Variants in SORCS2 observed in about 807,000 individuals in gnomAD.
SORCS2 encodes VPS10 domain-containing receptor SorCS2.
In SORCS2, 100 loss-of-function variants were observed where a neutral mutation model predicts 141.6. The ratio of observed to expected loss-of-function variants is 0.71; its 90% confidence interval spans 0.60 to 0.83. The LOEUF is 0.83. SORCS2 is among the 40% of genes least tolerant of loss of function. The pLI, the probability that SORCS2 is intolerant of heterozygous loss-of-function variation, is 0.00. For missense variants in SORCS2, 1,646 were observed against 1,560.2 expected (o/e 1.05, Z -0.93); for synonymous variants, 789 against 676.9 (o/e 1.17, Z -2.57).
Position 7,327,375 on chromosome 4 carries a change from C to T in SORCS2, c.481-68913C>T, listed in dbSNP as rs375488105. On this transcript the variant is annotated intron_variant, in intron 1 of 26. Transcript: ENST00000507866. ...CTGGCTCTGTCTTCACGTGGCCCCT[C>T]CCTGTGTGTCTCTGTGTCCAGACCT... 3.5e-3 allele frequency among the ~76,000 whole-genome samples: 536 copies of T among 152,328 alleles called. 1 individual carries two copies. The highest frequency in any genetic ancestry group is 4.7e-3 in the Non-Finnish European group (322 of 68,032).
intron 1 of SORCS2, among the ~76,000 whole-genome samples, chr4:7,302,971 A>G (rs73208439): frequency 0.25 from 38,070 of 152,154 alleles, 5,303 homozygotes; most frequent in Non-Finnish European, 0.32. Context: ...GGCCGCAGCC[A>G]AGCGGCGATT....
intron 2 of SORCS2, among the ~76,000 whole-genome samples, chr4:7,487,094 A>G (rs1731035011): frequency 6.6e-6 from 1 of 152,162 alleles, no homozygotes; most frequent in South Asian, 2.1e-4. Flanking sequence ...CCAGCCCTGC[A>G]GAGCACAAAG....
At chr4:7,604,581 G>C (rs978483778) in intron 3 of SORCS2, among the ~76,000 whole-genome samples, 14 of 152,338 alleles carry the variant, frequency 9.2e-5, no homozygotes, top group Non-Finnish European at 1.6e-4. Context: ...TTACAGGCAT[G>C]AGCCGCCGCG....
intron 4 of SORCS2, among the ~76,000 whole-genome samples, chr4:7,640,404 G>C (rs544325420): frequency 6.8e-6 from 1 of 146,578 alleles, no homozygotes; most frequent in Non-Finnish European, 1.5e-5. Flanking sequence ...GTGAGTGTGT[G>C]TGGGTGAGTG....
At chr4:7,269,219 T>A (rs1339438076) in intron 1 of SORCS2, among the ~76,000 whole-genome samples, 1 of 152,130 alleles carries the variant, frequency 6.6e-6, no homozygotes, top group African/African-American at 2.4e-5. Context: ...AGGGTGCTGG[T>A]GGTGTCCCAG....
At chr4:7,424,949 G>A (rs1726324789) in intron 2 of SORCS2, among the ~76,000 whole-genome samples, 1 of 152,256 alleles carries the variant, frequency 6.6e-6, no homozygotes, top group Admixed American at 6.5e-5. Flanking sequence ...TGGGTGCTGT[G>A]CCCCGGAGGG....
intron 2 of SORCS2, among the ~76,000 whole-genome samples, chr4:7,494,707 CAG>C (rs761109325): frequency 4.6e-5 from 7 of 152,256 alleles, no homozygotes; most frequent in Non-Finnish European, 7.3e-5. Context: ...GTCCATGAAA[CAG>C]GGAACAGCTT....
intron 1 of SORCS2, among the ~76,000 whole-genome samples, chr4:7,390,516 A>G (rs1723788769): frequency 6.6e-6 from 1 of 152,220 alleles, no homozygotes; most frequent in Non-Finnish European, 1.5e-5. Flanking sequence ...GCCAGGGTTC[A>G]GGCTGGCTCA....
At chr4:7,463,244 C>T (rs1729419158) in intron 2 of SORCS2, among the ~76,000 whole-genome samples, 2 of 152,122 alleles carry the variant, frequency 1.3e-5, no homozygotes, top group South Asian at 4.1e-4. Flanking sequence ...TGGATTTGGT[C>T]CATGTTATAG....
At chr4:7,224,737 G>T (rs1728900816) in intron 1 of SORCS2, among the ~76,000 whole-genome samples, 1 of 152,206 alleles carries the variant, frequency 6.6e-6, no homozygotes, top group Non-Finnish European at 1.5e-5. Context: ...CAAGGAGGAG[G>T]AGGTGTGGCA....
chr4:7,537,927 C>T (rs746477014), intron 3 of SORCS2, among the ~76,000 whole-genome samples: 7 of 152,038 alleles, frequency 4.6e-5, no homozygotes, highest in Admixed American at 1.3e-4. Flanking sequence ...TTGAGCCTGC[C>T]GTGATCTATG....
At chr4:7,224,889 G>A (rs35819894) in intron 1 of SORCS2, among the ~76,000 whole-genome samples, 23,227 of 152,180 alleles carry the variant, frequency 0.15, 2,678 homozygotes, top group East Asian at 0.49. Flanking sequence ...CATTAATTAT[G>A]AGTTGTTTTT....
At chr4:7,489,233 C>T (rs1463972629) in intron 2 of SORCS2, among the ~76,000 whole-genome samples, 1 of 152,190 alleles carries the variant, frequency 6.6e-6, no homozygotes, top group Non-Finnish European at 1.5e-5. Flanking sequence ...GAAGCTGGAA[C>T]TGGTTGCCTA....
At chr4:7,480,652 G>A (rs541939303) in intron 2 of SORCS2, among the ~76,000 whole-genome samples, 14 of 152,354 alleles carry the variant, frequency 9.2e-5, no homozygotes, top group East Asian at 7.7e-4. Flanking sequence ...CAGGTGCCCC[G>A]GGTAGCCCAG....
chr4:7,609,008 G>A (rs1577834636), intron 3 of SORCS2, among the ~76,000 whole-genome samples: 1 of 152,036 alleles, frequency 6.6e-6, no homozygotes, highest in East Asian at 1.9e-4. Context: ...TGGACAATAG[G>A]GGTGAACATG....
At chr4:7,364,128 C>CACA (rs1425036177) in intron 1 of SORCS2, among the ~76,000 whole-genome samples, 1 of 150,944 alleles carries the variant, frequency 6.6e-6, no homozygotes, top group African/African-American at 2.4e-5. Context: ...CCACCACCAC[C>CACA]ACCACATCAT....
chr4:7,315,261 T>A (rs528357666), intron 1 of SORCS2, among the ~76,000 whole-genome samples: 1 of 152,326 alleles, frequency 6.6e-6, no homozygotes, highest in East Asian at 1.9e-4. Context: ...TGGGCCTCCC[T>A]CTTTGTGAAA....
At chr4:7,387,524 T>A (rs1211830146) in intron 1 of SORCS2, among the ~76,000 whole-genome samples, 2 of 135,698 alleles carry the variant, frequency 1.5e-5, no homozygotes, top group African/African-American at 5.7e-5. Flanking sequence ...CAGAGATACA[T>A]ATGCACACAT....
At chr4:7,568,736 C>T (rs961566493) in intron 3 of SORCS2, among the ~76,000 whole-genome samples, 5 of 152,194 alleles carry the variant, frequency 3.3e-5, no homozygotes, top group Non-Finnish European at 5.9e-5. Flanking sequence ...TTGACTATGG[C>T]TAGGATGCTC....
Sources: gnomAD v4.1 joint callset for allele counts (sites outside exome capture counted in the v4.1 genomes callset) on GRCh38, gnomAD v4.1.1 for gene constraint, MANE v1.5 for transcripts, NCBI Gene and HGNC (gene_info 2026-07-23, HGNC 2026-07-21) for gene names.